The following KCTD5 variants were observed in gnomAD, a reference collection of about 807,000 sequenced individuals.
The protein encoded by KCTD5 is potassium channel tetramerization domain containing 5.
Under a neutral mutation model 27.9 loss-of-function variants are expected in KCTD5, and 12 were observed. The ratio of observed to expected loss-of-function variants is 0.43; its 90% CI spans 0.28 to 0.70. The LOEUF (loss-of-function observed/expected upper bound fraction) is 0.70, where lower values mean the gene tolerates loss of function less well. Among genes scored for constraint, KCTD5 ranks in the 30% least tolerant of loss-of-function variants. The pLI is 0.19. For synonymous variants in KCTD5, 147 were observed against 121.4 expected, an observed-to-expected ratio of 1.21 and a Z score of -1.39; for missense variants, 226 against 274.8, an observed-to-expected ratio of 0.82 and a Z score of 1.26.
chr16:2,696,970 G>A (rs2067589035), intron 2 of KCTD5, among the ~76,000 whole-genome samples: 1 of 152,240 alleles, frequency 6.6e-6, no homozygotes, highest in African/African-American at 2.4e-5. Context: ...GCCCCTAGTG[G>A]GATTGGCTCA....
intron 1 of KCTD5, among the ~76,000 whole-genome samples, chr16:2,695,497 C>G (rs1407188065): frequency 2.4e-5 from 3 of 124,098 alleles, no homozygotes; most frequent in African/African-American, 9.3e-5. Context: ...GCGGAGGACC[C>G]GGGCACGAGG....
intron 1 of KCTD5, among the ~76,000 whole-genome samples, chr16:2,688,209 TTAAA>T (rs371152268): frequency 2.1e-5 from 3 of 141,490 alleles, no homozygotes; most frequent in East Asian, 4.0e-4. Context: ...GTTTTTATTA[TTAAA>T]TAAATAAATA....
rs1169175505 is a variant in KCTD5 at position 2,707,525 on chromosome 16, T to TG, written c.*203dup. 7.2e-6 allele frequency: 5 copies of TG among 695,706 alleles called. No individual in the cohort carries two copies. The highest frequency in any genetic ancestry group is 1.3e-5 in the Non-Finnish European group (5 of 384,698). 43.1% of individuals were successfully genotyped at this position (695,706 alleles called of 1,614,324 possible). A position where few individuals can be genotyped will look rare whatever the true frequency, so the allele number is the denominator to read the frequency against. On this transcript the variant is annotated 3_prime_UTR_variant, in exon 6 of 6. Transcript: ENST00000301738. ...TGTCCAAGGCCAGACGTCCCCAAGT[T>TG]GGGGGAGCACGGCGGCCGGGTGGGC...
chr16:2,703,031 G>A (rs955687707), intron 5 of KCTD5, among the ~76,000 whole-genome samples: 8 of 152,164 alleles, frequency 5.3e-5, no homozygotes, highest in African/African-American at 4.8e-5. Context: ...GGCCCTTTGC[G>A]GCACCCAGCC....
chr16:2,692,925 G>T (rs1353809147), intron 1 of KCTD5, among the ~76,000 whole-genome samples: 5 of 152,292 alleles, frequency 3.3e-5, no homozygotes. Context: ...TGAGGCTGTG[G>T]TTTGGGCAGC....
intron 5 of KCTD5, among the ~76,000 whole-genome samples, chr16:2,706,015 G>C (rs1206469313): frequency 3.3e-5 from 5 of 152,162 alleles, no homozygotes; most frequent in African/African-American, 1.2e-4. Context: ...GTCTCCCCAA[G>C]TCAACTCCAG....
intron 1 of KCTD5, among the ~76,000 whole-genome samples, chr16:2,686,908 C>G (rs578027369): frequency 1.3e-5 from 2 of 152,328 alleles, no homozygotes; most frequent in Non-Finnish European, 2.9e-5. Context: ...TTCTGTGTAG[C>G]CAGCACTGGT....
intron 1 of KCTD5, chr16:2,684,267 C>A (rs2067530420): frequency 6.6e-6 from 1 of 152,028 alleles, no homozygotes. Flanking sequence ...GTCTATTCAG[C>A]ACTGGAGCAC....
chr16:2,705,535 G>A (rs1596226816), intron 5 of KCTD5, among the ~76,000 whole-genome samples: 2 of 152,144 alleles, frequency 1.3e-5, no homozygotes, highest in Non-Finnish European at 2.9e-5. Context: ...TAGGCCACAG[G>A]CTCAGGGCCA....
chr16:2,688,328 G>A (rs2067551399), intron 1 of KCTD5, among the ~76,000 whole-genome samples: 1 of 151,092 alleles, frequency 6.6e-6, no homozygotes. Flanking sequence ...TCGGCTCACT[G>A]CAACCTCTGC....
Position 2,708,232 on chromosome 16 carries a change from G to A in KCTD5, c.*905G>A, listed in dbSNP as rs1375494834. The A allele has an allele frequency of 1.3e-5, 2 of 152,698 alleles. No homozygotes were observed. The highest frequency in any genetic ancestry group is 4.1e-4 in the South Asian group (2 of 4,836). 9.5% of individuals were successfully genotyped at this position (152,698 alleles called of 1,614,324 possible). ...AGGTCTGCGTCACGGTGAAAATTCG[G>A]GATGTTTACAGAGCATCACAAATGC... On this transcript the variant is annotated 3_prime_UTR_variant, in exon 6 of 6. Coordinates refer to ENST00000301738, the MANE Select transcript of KCTD5 (RefSeq NM_018992.4).
intron 5 of KCTD5, among the ~76,000 whole-genome samples, chr16:2,706,882 T>G (rs1221809476): frequency 8.6e-6 from 1 of 116,506 alleles, no homozygotes; most frequent in Non-Finnish European, 1.7e-5. Context: ...TCCAGGAGGG[T>G]CCGGGCGTCG....
Position 2,699,370 on chromosome 16 carries a change from C to G in KCTD5, c.454-451C>G, listed in dbSNP as rs1337261740. On this transcript the variant is annotated intron_variant, in intron 3 of 5. Coordinates refer to ENST00000301738, the MANE Select transcript of KCTD5 (RefSeq NM_018992.4). ...GAAGCAGCTCAGCCTTCGGGAGGCC[C>G]AAGTCCAGGCTGCCGCGCAAGTTCA... The G allele has an allele frequency of 3.0e-5, 11 of 367,078 alleles. No homozygotes were observed. The Admixed American group carries it at 3.8e-4, about 13-fold the overall frequency. 22.7% of individuals were successfully genotyped at this position (367,078 alleles called of 1,614,324 possible). A position where few individuals can be genotyped will look rare whatever the true frequency, so the allele number is the denominator to read the frequency against.
chr16:2,693,002 G>T (rs2067573346), intron 1 of KCTD5, among the ~76,000 whole-genome samples: 2 of 152,248 alleles, frequency 1.3e-5, no homozygotes, highest in African/African-American at 4.8e-5. Flanking sequence ...TTTGGGTGGG[G>T]CGAACCCCAG....
At position 2,707,370 on chromosome 16, in the gene KCTD5, C is replaced by A. The variant is rs201954966; in HGVS notation, c.*43C>A. ...GCTGAAGAAATGATTTACGTTTTCCCGAGATGTAATGAACTGCCATGTCCA... is the reference window on the plus strand; with the variant it reads ...GCTGAAGAAATGATTTACGTTTTCCAGAGATGTAATGAACTGCCATGTCCA... On this transcript the variant is annotated 3_prime_UTR_variant, in exon 6 of 6. Transcript: ENST00000301738. 1.1e-5 allele frequency: 17 copies of A among 1,596,948 alleles called. No homozygotes were observed. Among genetic ancestry groups the A allele is most frequent in the Non-Finnish European group, 1.3e-5 (15 of 1,164,404 alleles).
At chr16:2,707,248 G>A (rs749496556) in intron 5 of KCTD5, 50 bp from the exon 6 acceptor site, 3 of 1,592,184 alleles carry the variant, frequency 1.9e-6, no homozygotes, top group South Asian at 2.2e-5. Context: ...GCCTGGTCAG[G>A]GACACCTCCT....
intron 1 of KCTD5, among the ~76,000 whole-genome samples, chr16:2,687,224 C>G (rs1048766517): frequency 3.9e-5 from 6 of 152,210 alleles, no homozygotes; most frequent in African/African-American, 1.2e-4. Flanking sequence ...GGACTCGACT[C>G]TGGTGATGAA....
Position 2,707,530 on chromosome 16 carries a change from G to A in KCTD5, c.*203G>A, listed in dbSNP as rs2067642328. On this transcript the variant is annotated 3_prime_UTR_variant, in exon 6 of 6. Coordinates refer to ENST00000301738, the MANE Select transcript of KCTD5 (RefSeq NM_018992.4). Reference sequence around the variant, plus strand: ...AAGGCCAGACGTCCCCAAGTTGGGGGAGCACGGCGGCCGGGTGGGCGCTGC... The same window carrying A: ...AAGGCCAGACGTCCCCAAGTTGGGGAAGCACGGCGGCCGGGTGGGCGCTGC... 2 of 683,108 alleles carry A rather than the reference G, an allele frequency of 2.9e-6. No individual in the cohort carries two copies. The highest frequency in any genetic ancestry group is 2.7e-5 in the East Asian group (1 of 36,894). 42.3% of individuals were successfully genotyped at this position (683,108 alleles called of 1,614,324 possible). A position where few individuals can be genotyped will look rare whatever the true frequency, so the allele number is the denominator to read the frequency against.
At position 2,682,556 on chromosome 16, in the gene KCTD5, A is replaced by G. The variant is rs1292445283; in HGVS notation, c.8A>G (p.Glu3Gly). 3 of 1,406,854 alleles carry G rather than the reference A, an allele frequency of 2.1e-6. No homozygotes were observed. The highest frequency in any genetic ancestry group is 1.8e-6 in the Non-Finnish European group (2 of 1,083,782). 87.1% of individuals were successfully genotyped at this position (1,406,854 alleles called of 1,614,324 possible). Residue 3 changes from glutamate to glycine, a missense_variant, in exon 1 of 6, where the codon GAG (glutamate) becomes GGG (glycine). Glu to Gly is a moderately conservative substitution (Grantham distance 98). Coordinates refer to ENST00000301738, the MANE Select transcript of KCTD5 (RefSeq NM_018992.4). ...GCGGGGCTTGCTGGGATCATGGCGGAGAATCACTGCGAGCTCCTGTCGCCG... is the reference window on the plus strand; with the variant it reads ...GCGGGGCTTGCTGGGATCATGGCGGGGAATCACTGCGAGCTCCTGTCGCCG... MA[E>G]NHCELLSPAR...
Sources: allele counts gnomAD v4.1 joint callset (sites outside exome capture counted in the v4.1 genomes callset), GRCh38; gene constraint gnomAD v4.1.1; transcripts MANE v1.5; gene names NCBI Gene and HGNC (gene_info 2026-07-23, HGNC 2026-07-21).